The following RASSF8 variants were observed in gnomAD, a reference collection of about 807,000 sequenced individuals.
RASSF8 encodes Ras association domain family member 8.
RASSF8 carries 22 observed loss-of-function variants against 48.5 expected under a neutral mutation model. That is an observed-to-expected ratio of 0.45 (90% CI 0.32 to 0.65). The LOEUF (loss-of-function observed/expected upper bound fraction) is 0.65, where lower values mean the gene tolerates loss of function less well. Among genes scored for constraint, RASSF8 ranks in the 30% least tolerant of loss-of-function variants. RASSF8 has a pLI of 0.03. For missense variants in RASSF8, 418 were observed against 489.2 expected, an observed-to-expected ratio of 0.85 and a Z score of 1.37; for synonymous variants, 127 against 171.5, an observed-to-expected ratio of 0.74 and a Z score of 2.03.
intron 2 of RASSF8, among the ~76,000 whole-genome samples, chr12:26,027,348 T>C (rs558918956): frequency 2.0e-5 from 3 of 152,210 alleles, no homozygotes; most frequent in Non-Finnish European, 4.4e-5. Context: ...GTTAATGATA[T>C]CTCAGTAAAG....
At chr12:26,009,229 A>G (rs1047613001) in intron 2 of RASSF8, among the ~76,000 whole-genome samples, 1 of 152,032 alleles carries the variant, frequency 6.6e-6, no homozygotes, top group African/African-American at 2.4e-5. Flanking sequence ...TTAATTCCAC[A>G]CTCATGATGG....
chr12:26,040,467 A>G (rs1047936034), intron 2 of RASSF8, among the ~76,000 whole-genome samples: 30 of 152,274 alleles, frequency 2.0e-4, no homozygotes, highest in African/African-American at 6.7e-4. Context: ...TTTTGTTCTA[A>G]AGTTTGGAAG....
At chr12:26,065,519 C>G in intron 4 of RASSF8, 132 bp downstream of exon 4, 2 of 1,213,206 alleles carry the variant, frequency 1.6e-6, no homozygotes, top group South Asian at 1.7e-5. Flanking sequence ...AAACTTTTGT[C>G]GAACTCTTGT....
intron 2 of RASSF8, among the ~76,000 whole-genome samples, chr12:26,051,756 A>G (rs1462297636): frequency 1.3e-5 from 2 of 152,230 alleles, no homozygotes; most frequent in Non-Finnish European, 2.9e-5. Context: ...ATAATTGTCA[A>G]TAAACTATCT....
At position 26,068,822 on chromosome 12, in the gene RASSF8, T is replaced by C; in HGVS notation, c.*4T>C. 1 of 1,536,794 alleles carries C rather than the reference T, an allele frequency of 6.5e-7. No individual in the cohort carries two copies. The highest frequency in any genetic ancestry group is 8.7e-7 in the Non-Finnish European group (1 of 1,146,610). On this transcript the variant is annotated 3_prime_UTR_variant, in exon 6 of 6. Coordinates refer to ENST00000689635, the MANE Select transcript of RASSF8 (RefSeq NM_001394098.1). ...TCCTGAAGGCATATATGTATGACAT[T>C]ATCTGTCTTTAGGGAGGAGACCCAA...
intron 2 of RASSF8, among the ~76,000 whole-genome samples, chr12:25,997,682 G>A (rs1236827496): frequency 6.6e-6 from 1 of 152,160 alleles, no homozygotes; most frequent in East Asian, 1.9e-4. Flanking sequence ...TAGGAGGGGG[G>A]TGACATTTTC....
chr12:26,064,941 C>T lies in RASSF8; in HGVS notation c.547C>T (p.Gln183Ter). The stretch of plus-strand genomic sequence containing the variant: ...AGAGAAGCTTCAATCCATTGAGAAA[C>T]AGCTGGAATCTAATGAAATAGAAAT... ...QTEKLQSIEK[Q>*]LESNEIEIRF... The change falls in exon 4 of 6, where the codon CAG (glutamine) becomes TAG (stop). Residue 183 changes from glutamine (Q) to a stop codon, truncating the protein, a stop_gained. Transcript: ENST00000689635. LOFTEE classifies it high-confidence loss of function. 1 of 1,614,006 alleles carries T rather than the reference C, an allele frequency of 6.2e-7. No homozygotes were observed. Among genetic ancestry groups the T allele is most frequent in the Non-Finnish European group, 8.5e-7 (1 of 1,179,978 alleles).
chr12:26,038,422 C>T (rs931837723), intron 2 of RASSF8, among the ~76,000 whole-genome samples: 2 of 152,120 alleles, frequency 1.3e-5, no homozygotes, highest in Admixed American at 6.5e-5. Context: ...GCTTCTGAGG[C>T]ATACTGGAAA....
At chr12:26,051,827 C>A (rs1943497152) in intron 2 of RASSF8, among the ~76,000 whole-genome samples, 1 of 152,124 alleles carries the variant, frequency 6.6e-6, no homozygotes, top group Admixed American at 6.5e-5. Context: ...ACGTTGAACC[C>A]ACACCCAACA....
chr12:25,972,940 A>G (rs1941516499), intron 1 of RASSF8, among the ~76,000 whole-genome samples: 1 of 152,310 alleles, frequency 6.6e-6, no homozygotes, highest in Non-Finnish European at 1.5e-5. Flanking sequence ...AAATGAAATC[A>G]TACAACATGT....
downstream of RASSF8, among the ~76,000 whole-genome samples, chr12:26,075,945 C>T (rs1369583513): frequency 1.3e-5 from 2 of 152,152 alleles, no homozygotes; most frequent in Non-Finnish European, 2.9e-5. Context: ...ACCCCACCAA[C>T]GCCAGCCTAC....
At position 25,998,245 on chromosome 12, in the gene RASSF8, C is replaced by T. The variant is rs139843048; in HGVS notation, c.-109+3115C>T. ...TATTTTAGTAAAAAGGATGAGGCAT[C>T]GTTTTTATTAGTGGAATCAGCTTAC... On this transcript the variant is annotated intron_variant, in intron 2 of 5. Transcript: ENST00000689635. Among the ~76,000 whole-genome samples, 28 of 151,740 alleles carry T rather than the reference C, an allele frequency of 1.8e-4. No individual in the cohort carries two copies. In the East Asian group the frequency reaches 4.8e-3, roughly 26 times the overall value.
chr12:25,996,384 G>C (rs921361450), intron 2 of RASSF8, among the ~76,000 whole-genome samples: 2 of 152,150 alleles, frequency 1.3e-5, no homozygotes, highest in African/African-American at 4.8e-5. Flanking sequence ...GTGCTATAAA[G>C]CTTTCTTTTA....
chr12:26,027,964 C>T (rs746741100), intron 2 of RASSF8, among the ~76,000 whole-genome samples: 4 of 152,136 alleles, frequency 2.6e-5, no homozygotes, highest in Non-Finnish European at 5.9e-5. Context: ...GGAACGTCAG[C>T]TGTGCAGATG....
chr12:26,036,934 CA>C (rs1943165314), intron 2 of RASSF8, among the ~76,000 whole-genome samples: 1 of 150,764 alleles, frequency 6.6e-6, no homozygotes, highest in Non-Finnish European at 1.5e-5. Context: ...AAAAAAAAAA[CA>C]AAAAACTGTA....
chr12:25,961,039 C>A (rs1383785816), intron 1 of RASSF8, among the ~76,000 whole-genome samples: 1 of 152,126 alleles, frequency 6.6e-6, no homozygotes, highest in African/African-American at 2.4e-5. Flanking sequence ...AAGGTTGCAA[C>A]CTTTTAACCT....
intron 2 of RASSF8, among the ~76,000 whole-genome samples, chr12:26,022,462 A>G (rs1372008986): frequency 6.6e-6 from 1 of 152,200 alleles, no homozygotes. Context: ...TGACACATGC[A>G]AAGAAACAGG....
intron 2 of RASSF8, among the ~76,000 whole-genome samples, chr12:26,025,929 G>C: frequency 6.6e-6 from 1 of 152,012 alleles, no homozygotes; most frequent in East Asian, 1.9e-4. Flanking sequence ...TGGATCTGTT[G>C]GATATCCAAG....
chr12:26,072,856 G>A lies in RASSF8; in HGVS notation c.*4038G>A. On this transcript the variant is annotated 3_prime_UTR_variant, in exon 6 of 6. Transcript: ENST00000689635. ...ATTCTCCCAAATAATAAATTTTCAG[G>A]ATTCATTGGGGCATTACAGTTGTCA... is the stretch of plus-strand genomic sequence containing the variant. 4 of 900,944 alleles carry A rather than the reference G, an allele frequency of 4.4e-6. No individual in the cohort carries two copies. The highest frequency in any genetic ancestry group is 5.3e-6 in the Non-Finnish European group (4 of 753,296). The allele number at this position is 900,944 out of a possible 1,614,324, so 55.8% of individuals were successfully genotyped here. A position where few individuals can be genotyped will look rare whatever the true frequency, so the allele number is the denominator to read the frequency against.
Sources: allele counts gnomAD v4.1 joint callset (sites outside exome capture counted in the v4.1 genomes callset), GRCh38; gene constraint gnomAD v4.1.1; transcripts MANE v1.5; gene names NCBI Gene and HGNC (gene_info 2026-07-23, HGNC 2026-07-21).